SPANXN4: variants seen among roughly 807,000 people sequenced by gnomAD.
SPANXN4 encodes SPANX family member N4, also known as sperm protein associated with the nucleus on the X chromosome N4.
SPANXN4 carries 5 observed loss-of-function variants against 6.0 expected under a neutral mutation model. That is an observed-to-expected ratio of 0.83 (90% CI 0.44 to 1.75). The LOEUF is 1.75. Among genes scored for constraint, SPANXN4 ranks in the 40% most tolerant of loss-of-function variants. SPANXN4 has a pLI of 0.02. For synonymous variants in SPANXN4, 45 were observed against 38.0 expected (o/e 1.19, Z -0.68); for missense variants, 157 against 108.6 (o/e 1.45, Z -1.98).
At chrX:143,030,129 G>A (rs961021967) in intron 1 of SPANXN4, among the ~76,000 whole-genome samples, 2 of 109,642 alleles carry the variant, frequency 1.8e-5, no homozygotes, top group Non-Finnish European at 3.8e-5. Flanking sequence ...ATGTGAGGCC[G>A]TGTAAAGCAG....
chrX:143,034,718 A>T, downstream of SPANXN4: 2 of 1,112,500 alleles, frequency 1.8e-6, no homozygotes, highest in South Asian at 2.4e-5. Context: ...AGGAACAAGA[A>T]CCTCACCCTA....
downstream of SPANXN4, among the ~76,000 whole-genome samples, chrX:143,035,333 GT>G (rs1036745416): frequency 1.8e-5 from 2 of 109,187 alleles, no homozygotes; most frequent in Admixed American, 9.8e-5. Context: ...GTCAATACAT[GT>G]TTTTTTTATT....
rs1932831500 is a variant in SPANXN4 at position 143,034,307 on chromosome X, G to C, written c.283+75G>C. On this transcript the variant is annotated intron_variant, in intron 2 of 2. Transcript: ENST00000370504. ...GATTACAATAAAATCAGTTTGAGGA[G>C]CTGATGACTGTGTATACCTCTGCCT... 8 of 1,071,991 alleles carry C rather than the reference G, an allele frequency of 7.5e-6. No individual in the cohort carries two copies. The East Asian group carries it at 2.6e-4, about 35-fold the overall frequency. 88.3% of individuals were successfully genotyped at this position (1,071,991 alleles called of 1,213,427 possible).
chrX:143,038,164 C>G (rs1932852509), downstream of SPANXN4, among the ~76,000 whole-genome samples: 1 of 111,824 alleles, frequency 8.9e-6, no homozygotes, highest in Non-Finnish European at 1.9e-5. Flanking sequence ...TCTCTTTTTT[C>G]TTTCTTTGAA....
intron 1 of SPANXN4, among the ~76,000 whole-genome samples, chrX:143,030,165 A>G (rs1443585843): frequency 9.0e-6 from 1 of 110,580 alleles, no homozygotes; most frequent in East Asian, 2.9e-4. Flanking sequence ...AAAGGTGGGA[A>G]TGCACAGCTG....
chrX:143,037,649 C>G (rs1026857612), downstream of SPANXN4, among the ~76,000 whole-genome samples: 6 of 111,495 alleles, frequency 5.4e-5, no homozygotes, highest in Admixed American at 9.6e-5. Context: ...ATTCAAATCT[C>G]GTCTTGAATT....
intron 1 of SPANXN4, among the ~76,000 whole-genome samples, chrX:143,029,799 T>A (rs1424611149): frequency 1.8e-5 from 2 of 111,012 alleles, no homozygotes; most frequent in Admixed American, 9.6e-5. Flanking sequence ...GCACTAGTAA[T>A]GTGTTGGTAA....
intron 1 of SPANXN4, among the ~76,000 whole-genome samples, chrX:143,028,883 G>T (rs1313857724): frequency 9.0e-6 from 1 of 111,478 alleles, no homozygotes; most frequent in Non-Finnish European, 1.9e-5. Context: ...CATGGTCGAA[G>T]AATGTATTTA....
intron 1 of SPANXN4, among the ~76,000 whole-genome samples, chrX:143,031,892 A>G (rs1352021940): frequency 2.7e-5 from 3 of 111,651 alleles, no homozygotes; most frequent in African/African-American, 9.8e-5. Flanking sequence ...AAGGCAGTAG[A>G]GGAAAAGAGC....
chrX:143,037,270 A>T (rs1206707373), downstream of SPANXN4, among the ~76,000 whole-genome samples: 1 of 111,519 alleles, frequency 9.0e-6, no homozygotes, highest in Non-Finnish European at 1.9e-5. Flanking sequence ...GAACCCAGTC[A>T]TGCTGATCCC....
chrX:143,037,223 A>G (rs1298634792), downstream of SPANXN4, among the ~76,000 whole-genome samples: 4 of 111,192 alleles, frequency 3.6e-5, no homozygotes, highest in Non-Finnish European at 7.6e-5. Context: ...TACATAAATG[A>G]CTAAGTTCAT....
chrX:143,030,173 C>T (rs1256246890), intron 1 of SPANXN4, among the ~76,000 whole-genome samples: 1 of 110,338 alleles, frequency 9.1e-6, no homozygotes, highest in Non-Finnish European at 1.9e-5. Context: ...GAATGCACAG[C>T]TGGAAGTATC....
At chrX:143,036,094 T>C (rs180957663), downstream of SPANXN4, among the ~76,000 whole-genome samples, 146 of 108,243 alleles carry the variant, frequency 1.3e-3, no homozygotes, top group African/African-American at 4.8e-3. Context: ...AAGATCTTTT[T>C]TTTTCAAGTG....
chrX:143,031,766 G>A (rs1276611716), intron 1 of SPANXN4, among the ~76,000 whole-genome samples: 4 of 100,477 alleles, frequency 4.0e-5, no homozygotes, highest in African/African-American at 1.3e-4. Context: ...GTGTCTTTGG[G>A]AGGTTTGAGG....
chrX:143,025,973 C>G, exon 1 of SPANXN4: 1 of 1,161,935 alleles, frequency 8.6e-7, no homozygotes, highest in Non-Finnish European at 1.2e-6. Context: ...AATCTGCACC[C>G]TAGAAGATCC....
chrX:143,034,751 C>T (rs1278369608), downstream of SPANXN4: 1 of 1,074,129 alleles, frequency 9.3e-7, no homozygotes, highest in African/African-American at 1.9e-5. Flanking sequence ...CAGCATGCCA[C>T]ACACAATAAA....
At chrX:143,035,604 AT>A (rs1932839785), downstream of SPANXN4, among the ~76,000 whole-genome samples, 1 of 110,433 alleles carries the variant, frequency 9.1e-6, no homozygotes, top group Admixed American at 9.7e-5. Context: ...TTTAATTTTT[AT>A]TTCCACATGT....
rs1217427569 is a variant in SPANXN4, at chrX:143,029,552, GC to G, written c.78+3461del. Among the ~76,000 whole-genome samples, 10 of 111,323 alleles carry G rather than the reference GC, an allele frequency of 9.0e-5. No homozygotes were observed. In the Admixed American group the frequency reaches 9.6e-4, roughly 11 times the overall value. On this transcript the variant is annotated intron_variant, in intron 1 of 2. Coordinates refer to ENST00000370504, the Ensembl canonical transcript of SPANXN4. ...CCATGTAGGCGTTCCCCGCAAAGGA[GC>G]TTTTGAAATATGTTGGAAGCGGGAG... is the stretch of plus-strand genomic sequence containing the variant.
At chrX:143,028,341 A>C (rs766063844) in intron 1 of SPANXN4, among the ~76,000 whole-genome samples, 2 of 110,942 alleles carry the variant, frequency 1.8e-5, no homozygotes, top group African/African-American at 6.6e-5. Flanking sequence ...GGCTGGGGAT[A>C]ATAGGGCTTA....
Sources: allele counts gnomAD v4.1 joint callset (sites outside exome capture counted in the v4.1 genomes callset), GRCh38; gene constraint gnomAD v4.1.1; transcripts MANE v1.5; gene names NCBI Gene and HGNC (gene_info 2026-07-23, HGNC 2026-07-21).